PPP2R2B: variants seen among roughly 807,000 people sequenced by gnomAD.
PPP2R2B encodes the protein protein phosphatase 2 regulatory subunit Bbeta.
PPP2R2B carries 5 observed loss-of-function variants against 46.0 expected under a neutral mutation model. The observed-to-expected ratio is 0.11, with a 90% CI of 0.06 to 0.23. The LOEUF (loss-of-function observed/expected upper bound fraction) is 0.23, where lower values mean the gene tolerates loss of function less well. Ranked by LOEUF, PPP2R2B falls within the 10% of genes least tolerant of loss-of-function variation. The pLI is 1.00. For synonymous variants in PPP2R2B, 215 were observed against 206.7 expected, an observed-to-expected ratio of 1.04 and a Z score of -0.34; for missense variants, 367 against 575.0, an observed-to-expected ratio of 0.64 and a Z score of 3.70.
chr5:146,683,820 T>C (rs771710365), intron 5 of PPP2R2B, among the ~76,000 whole-genome samples: 20 of 152,214 alleles, frequency 1.3e-4, no homozygotes, highest in Non-Finnish European at 2.5e-4. Context: ...TACAATCAGA[T>C]AATGATGGCA....
At chr5:146,650,052 G>A (rs1297425216) in intron 6 of PPP2R2B, among the ~76,000 whole-genome samples, 1 of 151,944 alleles carries the variant, frequency 6.6e-6, no homozygotes, top group East Asian at 1.9e-4. Flanking sequence ...TTTTCTATAT[G>A]CATAATATAC....
At chr5:146,922,995 G>GTCA (rs763634552) in intron 1 of PPP2R2B, among the ~76,000 whole-genome samples, 1 of 152,184 alleles carries the variant, frequency 6.6e-6, no homozygotes, top group Non-Finnish European at 1.5e-5. Context: ...TAAGCGAGAT[G>GTCA]TCATAGGAAG....
At chr5:146,601,472 C>T (rs943652955) in intron 7 of PPP2R2B, among the ~76,000 whole-genome samples, 1 of 152,012 alleles carries the variant, frequency 6.6e-6, no homozygotes, top group Non-Finnish European at 1.5e-5. Context: ...GCCTGTGGTC[C>T]CAGCTACTTG....
intron 7 of PPP2R2B, among the ~76,000 whole-genome samples, chr5:146,625,853 CA>C (rs1300226897): frequency 3.9e-5 from 6 of 152,032 alleles, no homozygotes; most frequent in Admixed American, 3.9e-4. Context: ...AGCGTAATCA[CA>C]AAGGTCCTTA....
At chr5:147,035,268 G>C in intron 1 of PPP2R2B, 1 of 381,626 alleles carries the variant, frequency 2.6e-6, no homozygotes, top group Non-Finnish European at 5.1e-6. Context: ...GAGAAAGAGA[G>C]AGAGTGAGGG....
intron 1 of PPP2R2B, among the ~76,000 whole-genome samples, chr5:147,009,400 G>A (rs972747381): frequency 2.0e-5 from 3 of 151,960 alleles, no homozygotes; most frequent in Non-Finnish European, 2.9e-5. Context: ...GTATGAATGA[G>A]GTAGGGGATA....
At chr5:146,717,785 A>G (rs1780578094) in intron 2 of PPP2R2B, among the ~76,000 whole-genome samples, 1 of 151,872 alleles carries the variant, frequency 6.6e-6, no homozygotes, top group African/African-American at 2.4e-5. Flanking sequence ...TGCTTTCAGG[A>G]TCTCATAAAT....
At chr5:146,874,268 G>A (rs1835950) in intron 2 of PPP2R2B, among the ~76,000 whole-genome samples, 30,897 of 152,118 alleles carry the variant, frequency 0.2, 3,462 homozygotes, top group East Asian at 0.35. Flanking sequence ...GGAACATCCC[G>A]TATCACCTCT....
intron 5 of PPP2R2B, among the ~76,000 whole-genome samples, chr5:146,651,394 T>A (rs956396869): frequency 6.6e-6 from 1 of 152,222 alleles, no homozygotes; most frequent in Non-Finnish European, 1.5e-5. Context: ...AATGATATGG[T>A]CACCTTACTG....
intron 5 of PPP2R2B, among the ~76,000 whole-genome samples, chr5:146,683,029 T>C (rs1218055487): frequency 3.3e-5 from 5 of 152,316 alleles, no homozygotes; most frequent in South Asian, 4.1e-4. Context: ...ATCTTCAGGA[T>C]GGCCAAGAAT....
intron 6 of PPP2R2B, among the ~76,000 whole-genome samples, chr5:146,640,573 A>C (rs1399806440): frequency 6.6e-6 from 1 of 152,180 alleles, no homozygotes; most frequent in African/African-American, 2.4e-5. Context: ...AAGCCTTGAT[A>C]TCCCACTGTG....
chr5:146,634,779 CA>C, intron 7 of PPP2R2B, among the ~76,000 whole-genome samples: 1 of 151,980 alleles, frequency 6.6e-6, no homozygotes, highest in Non-Finnish European at 1.5e-5. Flanking sequence ...CACACACACA[CA>C]CACCCCCTAC....
intron 1 of PPP2R2B, among the ~76,000 whole-genome samples, chr5:146,955,244 A>G (rs1256794215): frequency 2.6e-4 from 40 of 152,200 alleles, no homozygotes; most frequent in Non-Finnish European, 7.3e-5. Context: ...CCAGCTCAAT[A>G]CTGGTCCAAG....
intron 2 of PPP2R2B, among the ~76,000 whole-genome samples, chr5:147,065,414 G>A (rs1319617853): frequency 1.3e-5 from 2 of 152,150 alleles, no homozygotes; most frequent in Non-Finnish European, 2.9e-5. Flanking sequence ...AGTACGTGAG[G>A]AGAATGGTGA....
intron 2 of PPP2R2B, among the ~76,000 whole-genome samples, chr5:146,718,095 T>A (rs1429955850): frequency 6.6e-6 from 1 of 152,208 alleles, no homozygotes; most frequent in Admixed American, 6.5e-5. Context: ...CAAGAATTCA[T>A]AATTCACAGG....
chr5:146,730,411 TG>T (rs1290559171), intron 2 of PPP2R2B, among the ~76,000 whole-genome samples: 3 of 152,102 alleles, frequency 2.0e-5, no homozygotes, highest in African/African-American at 7.2e-5. Flanking sequence ...GTTAAGACTT[TG>T]GGGGACTACT....
At chr5:147,074,668 AT>A (rs1178989927) in intron 2 of PPP2R2B, among the ~76,000 whole-genome samples, 2 of 152,138 alleles carry the variant, frequency 1.3e-5, no homozygotes, top group African/African-American at 4.8e-5. Context: ...ATAATCTCGA[AT>A]TTCTTAAACA....
chr5:146,995,358 T>A (rs1190266601), intron 1 of PPP2R2B, among the ~76,000 whole-genome samples: 4 of 152,156 alleles, frequency 2.6e-5, no homozygotes. Context: ...AAATGACCTG[T>A]CTATAGAAAA....
intron 2 of PPP2R2B, among the ~76,000 whole-genome samples, chr5:146,835,183 A>C (rs1449566473): frequency 6.6e-6 from 1 of 152,240 alleles, no homozygotes; most frequent in African/African-American, 2.4e-5. Flanking sequence ...ACTTGTAGTT[A>C]TACTGTAGCA....
Sources: allele counts gnomAD v4.1 joint callset (sites outside exome capture counted in the v4.1 genomes callset), GRCh38; gene constraint gnomAD v4.1.1; transcripts MANE v1.5; gene names NCBI Gene and HGNC (gene_info 2026-07-23, HGNC 2026-07-21).